C3orf70: variants seen among roughly 807,000 people sequenced by gnomAD.
C3orf70 encodes the protein UPF0524 protein C3orf70.
In C3orf70, 15 loss-of-function variants were observed where a neutral mutation model predicts 20.7. That is an observed-to-expected ratio of 0.72 (90% CI 0.48 to 1.11). The LOEUF is 1.11. C3orf70 is among the 50% of genes most tolerant of loss of function. The probability of loss-of-function intolerance (pLI) is 0.00; values close to 1 mark genes in which losing one functional copy is unlikely to be tolerated. For missense variants in C3orf70, 332 were observed against 317.6 expected (o/e 1.05, Z -0.34); for synonymous variants, 161 against 125.7 (o/e 1.28, Z -1.88).
At chr3:185,141,401 T>C (rs1716747676) in intron 1 of C3orf70, among the ~76,000 whole-genome samples, 1 of 152,046 alleles carries the variant, frequency 6.6e-6, no homozygotes, top group Non-Finnish European at 1.5e-5. Context: ...GCCTAGCACT[T>C]GCACTCTTGA....
rs1316293207 is a variant in C3orf70 at position 185,083,544 on chromosome 3, A to G, written c.216T>C (p.Pro72=). 2 of 1,599,498 alleles carry G rather than the reference A, an allele frequency of 1.3e-6. No individual in the cohort carries two copies. Among genetic ancestry groups the G allele is most frequent in the Non-Finnish European group, 1.7e-6 (2 of 1,173,108 alleles). ...TTGGAAGCTGTTCCACAGGGGTCATAGGCTGATACATGTATTTGCCTGTGA... is the reference window on the plus strand; with the variant it reads ...TTGGAAGCTGTTCCACAGGGGTCATGGGCTGATACATGTATTTGCCTGTGA... ...GWCHCKYMYQ[P]MTPVEQLPST... The change falls in exon 2 of 2, where the codon CCT becomes CCC. Residue 72 remains proline (P), a synonymous_variant. Transcript: ENST00000335012.
At chr3:185,112,890 C>T (rs1357649034) in intron 1 of C3orf70, among the ~76,000 whole-genome samples, 1 of 152,056 alleles carries the variant, frequency 6.6e-6, no homozygotes, top group Non-Finnish European at 1.5e-5. Flanking sequence ...ATATTACATG[C>T]CACCAAACTC....
intron 1 of C3orf70, among the ~76,000 whole-genome samples, chr3:185,119,110 T>C (rs142641070): frequency 3.2e-4 from 49 of 152,288 alleles, no homozygotes; most frequent in African/African-American, 1.1e-3. Flanking sequence ...ATTAAAACAA[T>C]ATCAGGATGG....
chr3:185,087,985 C>T (rs560473549), intron 1 of C3orf70, among the ~76,000 whole-genome samples: 4 of 150,492 alleles, frequency 2.7e-5, no homozygotes, highest in Non-Finnish European at 2.9e-5. Flanking sequence ...GATCTTGGCT[C>T]GCCGCAACCT....
At chr3:185,093,689 C>T (rs1715640017) in intron 1 of C3orf70, among the ~76,000 whole-genome samples, 1 of 151,974 alleles carries the variant, frequency 6.6e-6, no homozygotes, top group African/African-American at 2.4e-5. Flanking sequence ...AGAAAAGGCT[C>T]CACAGAAAAC....
intron 1 of C3orf70, among the ~76,000 whole-genome samples, chr3:185,125,132 C>A (rs936864848): frequency 1.3e-5 from 2 of 152,138 alleles, no homozygotes; most frequent in African/African-American, 4.8e-5. Flanking sequence ...GCAATCCCAG[C>A]ACTTTGGGAG....
intron 1 of C3orf70, among the ~76,000 whole-genome samples, chr3:185,130,639 G>A (rs919396988): frequency 1.3e-5 from 2 of 151,996 alleles, no homozygotes; most frequent in Non-Finnish European, 2.9e-5. Context: ...CTGGTCCATC[G>A]CAACCCCTCA....
chr3:185,095,667 G>T (rs1041195132), intron 1 of C3orf70, among the ~76,000 whole-genome samples: 1 of 151,730 alleles, frequency 6.6e-6, no homozygotes, highest in African/African-American at 2.4e-5. Context: ...TTTTGTAGGG[G>T]AACGTGTCTG....
At chr3:185,149,143 A>G (rs563546541) in intron 1 of C3orf70, among the ~76,000 whole-genome samples, 1 of 152,354 alleles carries the variant, frequency 6.6e-6, no homozygotes, top group South Asian at 2.1e-4. Context: ...CTGTAATCCC[A>G]GCAATTTGGG....
intron 1 of C3orf70, among the ~76,000 whole-genome samples, chr3:185,091,523 A>G (rs73067359): frequency 0.039 from 5,950 of 152,032 alleles, 186 homozygotes; most frequent in African/African-American, 0.085. Flanking sequence ...GATGGGAGTT[A>G]AGAGGCTGCT....
At chr3:185,093,859 CTT>C (rs1376752457) in intron 1 of C3orf70, among the ~76,000 whole-genome samples, 3 of 151,940 alleles carry the variant, frequency 2.0e-5, no homozygotes, top group Admixed American at 1.3e-4. Flanking sequence ...AGACCAGTCT[CTT>C]TACCTAGATA....
chr3:185,083,706 G>A (rs9845482), intron 1 of C3orf70, 143 bp from the exon 2 acceptor site: 401,593 of 634,584 alleles, frequency 0.63, 132,218 homozygotes, highest in East Asian at 0.78. Context: ...ATTCAACATT[G>A]GTATAGTCAA....
At chr3:185,146,263 A>AG (rs1441057028) in intron 1 of C3orf70, among the ~76,000 whole-genome samples, 1 of 149,652 alleles carries the variant, frequency 6.7e-6, no homozygotes, top group Non-Finnish European at 1.5e-5. Flanking sequence ...CACTAGACAA[A>AG]GTTACAACTC....
chr3:185,142,933 A>G (rs1716788212), intron 1 of C3orf70, among the ~76,000 whole-genome samples: 1 of 152,200 alleles, frequency 6.6e-6, no homozygotes. Context: ...AAAAAATTCA[A>G]GTCATCAAAA....
chr3:185,150,940 AC>A (rs1298256998), intron 1 of C3orf70, among the ~76,000 whole-genome samples: 1 of 152,244 alleles, frequency 6.6e-6, no homozygotes, highest in Non-Finnish European at 1.5e-5. Flanking sequence ...TTATTGTTAA[AC>A]CTATTTCAGG....
intron 1 of C3orf70, among the ~76,000 whole-genome samples, chr3:185,151,231 C>T (rs1215123654): frequency 6.6e-6 from 1 of 152,188 alleles, no homozygotes; most frequent in African/African-American, 2.4e-5. Context: ...CCATCAGTAA[C>T]GGTGTACTTA....
At chr3:185,149,737 T>A (rs1033243962) in intron 1 of C3orf70, among the ~76,000 whole-genome samples, 13 of 152,218 alleles carry the variant, frequency 8.5e-5, no homozygotes, top group Non-Finnish European at 1.9e-4. Flanking sequence ...CTGCTTTAAA[T>A]GAAGTCAAGC....
At chr3:185,087,217 C>A (rs1715475858) in intron 1 of C3orf70, among the ~76,000 whole-genome samples, 1 of 152,178 alleles carries the variant, frequency 6.6e-6, no homozygotes, top group Non-Finnish European at 1.5e-5. Context: ...TGGATGAGAA[C>A]TTTTAAAACC....
chr3:185,110,696 C>G (rs76548180), intron 1 of C3orf70, among the ~76,000 whole-genome samples: 2 of 152,170 alleles, frequency 1.3e-5, no homozygotes, highest in African/African-American at 4.8e-5. Context: ...CCTGGCCCAC[C>G]CAGGGCGGAA....
Sources: allele counts gnomAD v4.1 joint callset (sites outside exome capture counted in the v4.1 genomes callset), GRCh38; gene constraint gnomAD v4.1.1; transcripts MANE v1.5; gene names NCBI Gene and HGNC (gene_info 2026-07-23, HGNC 2026-07-21).